Variants in PUM2 observed in about 807,000 individuals in gnomAD.
PUM2 encodes pumilio homolog 2.
A neutral mutation model predicts 124.5 loss-of-function variants in PUM2; 57 were observed. The observed-to-expected ratio is 0.46, with a 90% confidence interval of 0.37 to 0.57. The LOEUF is 0.57. Among genes scored for constraint, PUM2 ranks in the 20% least tolerant of loss-of-function variants. The pLI is 0.00. For synonymous variants in PUM2, 460 were observed against 446.1 expected, an observed-to-expected ratio of 1.03 and a Z score of -0.39; for missense variants, 1,065 against 1,290.6, an observed-to-expected ratio of 0.83 and a Z score of 2.68.
intron 2 of PUM2, among the ~76,000 whole-genome samples, chr2:20,327,058 A>G (rs1176263552): frequency 6.6e-6 from 1 of 152,128 alleles, no homozygotes. Flanking sequence ...TTACCAAAAT[A>G]TAAGAAATTA....
chr2:20,264,873 A>G (rs1667269151), intron 13 of PUM2, among the ~76,000 whole-genome samples: 1 of 152,192 alleles, frequency 6.6e-6, no homozygotes, highest in African/African-American at 2.4e-5. Context: ...AAATTGGGTT[A>G]GAACATTCCT....
intron 1 of PUM2, among the ~76,000 whole-genome samples, chr2:20,335,447 A>T (rs1685797047): frequency 6.6e-6 from 1 of 152,242 alleles, no homozygotes; most frequent in African/African-American, 2.4e-5. Flanking sequence ...ATTAGCCTTT[A>T]AAGATTTAAC....
At chr2:20,309,349 G>A (rs1679082892) in intron 5 of PUM2, among the ~76,000 whole-genome samples, 1 of 150,864 alleles carries the variant, frequency 6.6e-6, no homozygotes, top group Non-Finnish European at 1.5e-5. Flanking sequence ...TAGTTCAGCT[G>A]AAACCATCAG....
intron 13 of PUM2, among the ~76,000 whole-genome samples, chr2:20,275,530 C>T (rs921244591): frequency 6.6e-6 from 1 of 151,974 alleles, no homozygotes. Context: ...CATTTTGCAA[C>T]CTCTGGAAAA....
intron 1 of PUM2, among the ~76,000 whole-genome samples, chr2:20,328,880 C>G (rs1369562572): frequency 6.6e-6 from 1 of 152,034 alleles, no homozygotes; most frequent in Non-Finnish European, 1.5e-5. Flanking sequence ...ATTTAGGAAG[C>G]AAGAATCTAA....
At chr2:20,252,518 A>G (rs1002241270) in intron 20 of PUM2, among the ~76,000 whole-genome samples, 9 of 152,256 alleles carry the variant, frequency 5.9e-5, no homozygotes, top group African/African-American at 2.2e-4. Flanking sequence ...TTTTCTCTCT[A>G]TATGAGGAGA....
At chr2:20,333,161 T>C (rs1484315277) in intron 1 of PUM2, 1 of 152,236 alleles carries the variant, frequency 6.6e-6, no homozygotes, top group Non-Finnish European at 1.5e-5. Flanking sequence ...ACTAATGATG[T>C]GAGGAAAAAC....
At chr2:20,349,518 GTT>G (rs761971122) in intron 1 of PUM2, among the ~76,000 whole-genome samples, 3 of 142,116 alleles carry the variant, frequency 2.1e-5, no homozygotes, top group Non-Finnish European at 1.5e-5. Flanking sequence ...ACTCATTTTT[GTT>G]TTTTTTTTTT....
At position 20,305,339 on chromosome 2, in the gene PUM2, T is replaced by C. The variant is rs192056221; in HGVS notation, c.883+2639A>G. Among the ~76,000 whole-genome samples, 182 of 151,772 alleles carry C rather than the reference T, an allele frequency of 1.2e-3. 2 individuals are homozygous for C. Among genetic ancestry groups the C allele is most frequent in the Middle Eastern group, 0.01 (3 of 292 alleles). On this transcript the variant is annotated intron_variant, in intron 7 of 20. Coordinates refer to ENST00000361078, the MANE Select transcript of PUM2 (RefSeq NM_015317.5). Reference sequence around the variant, plus strand: ...GTCTCTACAAAAAATTCACTGGGCATCATGGCTCGAGCCTATAGTCCCAAG... The same window carrying C: ...GTCTCTACAAAAAATTCACTGGGCACCATGGCTCGAGCCTATAGTCCCAAG...
chr2:20,306,979 C>T (rs1030963035), intron 7 of PUM2, among the ~76,000 whole-genome samples: 3 of 151,558 alleles, frequency 2.0e-5, no homozygotes, highest in East Asian at 4.0e-4. Flanking sequence ...TTTGGGAGGC[C>T]GAGGGGGGGC....
rs539487563 is a variant in PUM2, at chr2:20,312,518, T to C, written c.161-95A>G. The C allele has an allele frequency of 7.3e-5, 83 of 1,129,422 alleles. No individual in the cohort carries two copies. The South Asian group carries it at 1.2e-3, about 16-fold the overall frequency. 70.0% of individuals were successfully genotyped at this position (1,129,422 alleles called of 1,614,324 possible). A position where few individuals can be genotyped will look rare whatever the true frequency, so the allele number is the denominator to read the frequency against. The stretch of plus-strand genomic sequence containing the variant: ...TACTGAAGTAAGAAAAATCAGCACA[T>C]TGTTTTATTTTGAATGTTATTACTA... On this transcript the variant is annotated intron_variant, in intron 3 of 20. Coordinates refer to ENST00000361078, the MANE Select transcript of PUM2 (RefSeq NM_015317.5).
At chr2:20,268,443 C>A (rs1668220525) in intron 13 of PUM2, among the ~76,000 whole-genome samples, 1 of 152,130 alleles carries the variant, frequency 6.6e-6, no homozygotes, top group Non-Finnish European at 1.5e-5. Context: ...GAAACCCCAT[C>A]TCCACTATAT....
At chr2:20,301,949 T>C (rs1020412875) in intron 7 of PUM2, among the ~76,000 whole-genome samples, 6 of 152,262 alleles carry the variant, frequency 3.9e-5, no homozygotes, top group Non-Finnish European at 8.8e-5. Context: ...ATCAATCTAC[T>C]ACTTTTATAT....
chr2:20,276,258 C>CTTTT (rs36031998), intron 13 of PUM2, among the ~76,000 whole-genome samples: 1 of 143,242 alleles, frequency 7.0e-6, no homozygotes, highest in Non-Finnish European at 1.5e-5. Context: ...AAAATGAAAA[C>CTTTT]TTTTTTTTTT....
chr2:20,344,897 G>A (rs2149120953), intron 1 of PUM2, among the ~76,000 whole-genome samples: 1 of 150,704 alleles, frequency 6.6e-6, no homozygotes, highest in South Asian at 2.1e-4. Context: ...GCAGGAGAAG[G>A]GCGTGAACCC....
chr2:20,342,960 A>C (rs2149094528), intron 1 of PUM2, among the ~76,000 whole-genome samples: 1 of 152,276 alleles, frequency 6.6e-6, no homozygotes, highest in African/African-American at 2.4e-5. Context: ...ATTAAGTATT[A>C]AATCATATAT....
chr2:20,343,924 C>T (rs930227760), intron 1 of PUM2, among the ~76,000 whole-genome samples: 1 of 151,938 alleles, frequency 6.6e-6, no homozygotes, highest in African/African-American at 2.4e-5. Context: ...ATGAGACACC[C>T]GCCCTCATCC....
chr2:20,312,097 G>A, intron 4 of PUM2, 139 bp downstream of exon 4: 2 of 744,134 alleles, frequency 2.7e-6, no homozygotes, highest in Non-Finnish European at 4.2e-6. Flanking sequence ...TGGCTAAGCA[G>A]AAGAATAGCA....
intron 14 of PUM2, among the ~76,000 whole-genome samples, chr2:20,262,510 T>C (rs989164353): frequency 1.3e-5 from 2 of 152,248 alleles, no homozygotes; most frequent in African/African-American, 4.8e-5. Context: ...CACTCTTTAA[T>C]GTTCACACAA....
Sources: allele counts gnomAD v4.1 joint callset (sites outside exome capture counted in the v4.1 genomes callset), GRCh38; gene constraint gnomAD v4.1.1; transcripts MANE v1.5; gene names NCBI Gene and HGNC (gene_info 2026-07-23, HGNC 2026-07-21).